Variants in PLD5 observed in about 807,000 individuals in gnomAD.
The protein encoded by PLD5 is phospholipase D family member 5.
In PLD5, 36 loss-of-function variants were observed where a neutral mutation model predicts 61.1. The ratio of observed to expected loss-of-function variants is 0.59; its 90% confidence interval spans 0.45 to 0.78. The LOEUF is 0.78. Ranked by LOEUF, PLD5 falls within the 30% of genes least tolerant of loss-of-function variation. PLD5 has a pLI of 0.00. For missense variants in PLD5, 515 were observed against 644.4 expected (o/e 0.80, Z 2.17); for synonymous variants, 243 against 242.8 (o/e 1.00, Z -0.01).
intron 3 of PLD5, among the ~76,000 whole-genome samples, chr1:242,280,532 C>T (rs1376961408): frequency 6.6e-6 from 1 of 152,154 alleles, no homozygotes; most frequent in African/African-American, 2.4e-5. Context: ...TATAAGCCCT[C>T]AGGATCTACA....
intron 1 of PLD5, among the ~76,000 whole-genome samples, chr1:242,394,771 T>C (rs62646901): frequency 0.028 from 790 of 28,072 alleles, 61 homozygotes; most frequent in Middle Eastern, 0.059. Flanking sequence ...TATATGTGAA[T>C]ATATATGTGT....
rs556102112 is a variant in PLD5 at position 242,089,909 on chromosome 1, A to T, written c.1556T>A (p.Leu519His). Residue 519 changes from leucine (L) to histidine (H), a missense_variant, in exon 10 of 10, where the codon CTC (leucine) becomes CAC (histidine). By Grantham distance (99) the Leu-to-His change is moderately conservative. Around this residue, in one of 2 missense-constraint regions of PLD5, gnomAD observed 450 missense variants for 598.1 expected, o/e 0.75. Coordinates refer to ENST00000536534, the MANE Select transcript of PLD5 (RefSeq NM_001372062.1). ...GTCGTCTGTGGCAGTTTTGTTGGAG[A>T]GGGGTTTGAGTTTGAACAGGCTTGA... Reference protein sequence around the residue: ...NCSSLFKLKPLSNKTATDDTG... With the variant: ...NCSSLFKLKPHSNKTATDDTG... The T allele has an allele frequency of 6.2e-7, 1 of 1,613,864 alleles. No individual in the cohort carries two copies. The highest frequency in any genetic ancestry group is 2.2e-5 in the East Asian group (1 of 44,868).
At chr1:242,198,906 G>A (rs182540018) in intron 5 of PLD5, among the ~76,000 whole-genome samples, 1 of 151,442 alleles carries the variant, frequency 6.6e-6, no homozygotes, top group Non-Finnish European at 1.5e-5. Flanking sequence ...AGCTAATTTT[G>A]TATTTTTAGT....
At chr1:242,096,031 T>C (rs1306547274) in intron 9 of PLD5, among the ~76,000 whole-genome samples, 1 of 151,742 alleles carries the variant, frequency 6.6e-6, no homozygotes, top group Non-Finnish European at 1.5e-5. Context: ...CCATCTCGGC[T>C]CACTGCAAGC....
rs1403540686 is a variant in PLD5 at position 242,084,332 on chromosome 1, C to T, written c.*5522G>A. 1 of 151,930 alleles carries T rather than the reference C, an allele frequency of 6.6e-6. No individual in the cohort carries two copies. The highest frequency in any genetic ancestry group is 2.4e-5 in the African/African-American group (1 of 41,368). The allele number at this position is 151,930 out of a possible 1,614,324, so 9.4% of individuals were successfully genotyped here. A position where few individuals can be genotyped will look rare whatever the true frequency, so the allele number is the denominator to read the frequency against. ...TAAAAGTATGCCTCTCAGATTGATT[C>T]TCTTTATGAAAACAGCACCCACCTT... On this transcript the variant is annotated 3_prime_UTR_variant, in exon 10 of 10. Transcript: ENST00000536534.
At chr1:242,249,435 C>T (rs1207525573) in intron 4 of PLD5, among the ~76,000 whole-genome samples, 1 of 152,200 alleles carries the variant, frequency 6.6e-6, no homozygotes, top group Admixed American at 6.5e-5. Context: ...TTATAAACTA[C>T]CCAGTCTCAG....
At chr1:242,152,436 A>G (rs372479451) in intron 5 of PLD5, among the ~76,000 whole-genome samples, 1 of 152,088 alleles carries the variant, frequency 6.6e-6, no homozygotes, top group African/African-American at 2.4e-5. Flanking sequence ...TACATGTGCC[A>G]TGGTGGTTTG....
At chr1:242,106,170 G>A (rs181550235) in intron 8 of PLD5, among the ~76,000 whole-genome samples, 69 of 152,300 alleles carry the variant, frequency 4.5e-4, no homozygotes, top group Middle Eastern at 3.4e-3. Context: ...TTCCTTGTGC[G>A]TATCCTGTTT....
intron 5 of PLD5, among the ~76,000 whole-genome samples, chr1:242,200,715 T>G (rs1348635106): frequency 1.3e-5 from 2 of 152,156 alleles, no homozygotes; most frequent in Non-Finnish European, 2.9e-5. Context: ...TTCCAGGACA[T>G]TCTTCAATTA....
chr1:242,107,567 TG>T lies in PLD5; in HGVS notation c.1239+103del, dbSNP rs1661162530. ...ACGTGCTTTTTGAAGATTGCCGTCC[TG>T]GTTCTTACTGGAACTTTACACATAG... On this transcript the variant is annotated intron_variant, in intron 8 of 9. Coordinates refer to ENST00000536534, the MANE Select transcript of PLD5 (RefSeq NM_001372062.1). The T allele has an allele frequency of 8.0e-6, 9 of 1,123,302 alleles. No homozygotes were observed. In the South Asian group the frequency reaches 1.6e-4, roughly 20 times the overall value. The allele number at this position is 1,123,302 out of a possible 1,614,324, so 69.6% of individuals were successfully genotyped here.
At chr1:242,329,616 T>C (rs1659044580) in intron 2 of PLD5, among the ~76,000 whole-genome samples, 1 of 152,226 alleles carries the variant, frequency 6.6e-6, no homozygotes, top group South Asian at 2.1e-4. Flanking sequence ...ATTTAGGTCA[T>C]TGGATATCCC....
chr1:242,348,926 C>T (rs527758718), intron 1 of PLD5, among the ~76,000 whole-genome samples: 23 of 152,154 alleles, frequency 1.5e-4, no homozygotes, highest in Non-Finnish European at 2.2e-4. Flanking sequence ...TGGTGGCAGG[C>T]GCCTGTAATC....
At chr1:242,526,692 G>A (rs576075925), upstream of PLD5, among the ~76,000 whole-genome samples, 5 of 152,286 alleles carry the variant, frequency 3.3e-5, no homozygotes, top group South Asian at 1.0e-3. Context: ...CCAAAGTGCT[G>A]GGATTACAGG....
chr1:242,382,608 T>C (rs1245228129), intron 1 of PLD5, among the ~76,000 whole-genome samples: 1 of 152,144 alleles, frequency 6.6e-6, no homozygotes, highest in East Asian at 1.9e-4. Context: ...TAGAAAGAGC[T>C]TGATAAAAGC....
intron 1 of PLD5, among the ~76,000 whole-genome samples, chr1:242,471,380 C>T (rs1052162405): frequency 6.6e-6 from 1 of 152,168 alleles, no homozygotes; most frequent in Admixed American, 6.5e-5. Context: ...AGGAGCCAAT[C>T]CCATTGCAGC....
intron 1 of PLD5, among the ~76,000 whole-genome samples, chr1:242,415,829 C>A (rs1424632480): frequency 6.6e-6 from 1 of 151,908 alleles, no homozygotes; most frequent in Non-Finnish European, 1.5e-5. Flanking sequence ...TAAGTGGTTA[C>A]CTAAGGAAAG....
In PLD5 at chr1:242,260,765, C is replaced by T. The variant is rs553534515; in HGVS notation, c.607+4572G>A. Reference sequence around the variant, plus strand: ...AAGGATAAATAGAACAATCTCCAAACGTTTGAAAATTAAGGATTACATTTC... The same window carrying T: ...AAGGATAAATAGAACAATCTCCAAATGTTTGAAAATTAAGGATTACATTTC... On this transcript the variant is annotated intron_variant, in intron 4 of 9. Coordinates refer to ENST00000536534, the MANE Select transcript of PLD5 (RefSeq NM_001372062.1). Among the ~76,000 whole-genome samples the T allele has an allele frequency of 1.2e-3, 180 of 152,228 alleles. 3 individuals carry two copies. Among genetic ancestry groups the T allele is most frequent in the Non-Finnish European group, 4.1e-4 (28 of 68,020 alleles).
At chr1:242,244,428 C>T (rs951141126) in intron 4 of PLD5, among the ~76,000 whole-genome samples, 1 of 152,100 alleles carries the variant, frequency 6.6e-6, no homozygotes, top group Non-Finnish European at 1.5e-5. Flanking sequence ...ATACGTAAGG[C>T]CGATTAGATA....
At chr1:242,416,663 C>T (rs1176484537) in intron 1 of PLD5, among the ~76,000 whole-genome samples, 5 of 152,152 alleles carry the variant, frequency 3.3e-5, no homozygotes, top group East Asian at 1.9e-4. Context: ...GGCCATTGGT[C>T]GACAGCCCTG....
Sources: gnomAD v4.1 joint callset for allele counts (sites outside exome capture counted in the v4.1 genomes callset) on GRCh38, gnomAD v4.1.1 for gene constraint, gnomAD v4.1.1 regional missense constraint, MANE v1.5 for transcripts, NCBI Gene and HGNC (gene_info 2026-07-23, HGNC 2026-07-21) for gene names.